BCAS4: variants seen among roughly 807,000 people sequenced by gnomAD.
BCAS4 encodes breast carcinoma amplified sequence 4.
In BCAS4, 9 loss-of-function variants were observed where a neutral mutation model predicts 15.7. The observed-to-expected ratio is 0.57, with a 90% CI of 0.34 to 1.00. The LOEUF (loss-of-function observed/expected upper bound fraction) is 1.00. Ranked by LOEUF, BCAS4 falls within the 50% of genes least tolerant of loss-of-function variation. BCAS4 has a pLI of 0.02. For synonymous variants in BCAS4, 101 were observed against 99.5 expected (o/e 1.02, Z -0.09); for missense variants, 225 against 239.1 (o/e 0.94, Z 0.39).
chr20:50,842,719 A>G (rs1466317650), intron 4 of BCAS4, among the ~76,000 whole-genome samples: 1 of 151,842 alleles, frequency 6.6e-6, no homozygotes, highest in Non-Finnish European at 1.5e-5. Flanking sequence ...TGCCTGGCCA[A>G]TCACCCTCAG....
At chr20:50,861,726 C>T (rs764390915) in intron 4 of BCAS4, among the ~76,000 whole-genome samples, 5 of 152,116 alleles carry the variant, frequency 3.3e-5, no homozygotes, top group African/African-American at 9.7e-5. Flanking sequence ...AGCCTGGCCG[C>T]TCATCCCTGC....
At chr20:50,823,562 C>G (rs1358199971) in intron 2 of BCAS4, among the ~76,000 whole-genome samples, 2 of 152,124 alleles carry the variant, frequency 1.3e-5, no homozygotes, top group African/African-American at 4.8e-5. Context: ...TGGCTCACAC[C>G]TGTAATTCCA....
intron 4 of BCAS4, among the ~76,000 whole-genome samples, chr20:50,861,956 C>T (rs897762532): frequency 6.8e-6 from 1 of 147,336 alleles, no homozygotes; most frequent in Non-Finnish European, 1.5e-5. Context: ...TAGACTCAAA[C>T]GATCCTCCTG....
rs527992544 is a variant in BCAS4, at chr20:50,861,627, G to A, written c.400-14859G>A. On this transcript the variant is annotated intron_variant, in intron 4 of 4. Coordinates refer to ENST00000371608, the MANE Select transcript of BCAS4 (RefSeq NM_198799.4). ...TGTCCATGCCAGGGGCAGGTGACCT[G>A]CCTTGCTTGGGCGCAGAGAGTCCTG... is the stretch of plus-strand genomic sequence containing the variant. Among the ~76,000 whole-genome samples the A allele has an allele frequency of 7.9e-5, 12 of 152,252 alleles. No homozygotes were observed. In the South Asian group the frequency reaches 2.5e-3, roughly 32 times the overall value.
At chr20:50,873,746 G>T (rs1979773606) in intron 4 of BCAS4, among the ~76,000 whole-genome samples, 1 of 152,198 alleles carries the variant, frequency 6.6e-6, no homozygotes. Flanking sequence ...GGCAGGAATA[G>T]ACCTTGTCTC....
At chr20:50,853,867 C>T (rs1227989031) in intron 4 of BCAS4, among the ~76,000 whole-genome samples, 2 of 147,106 alleles carry the variant, frequency 1.4e-5, no homozygotes, top group South Asian at 2.2e-4. Context: ...TTTGTATACT[C>T]GGGGATGTTT....
intron 4 of BCAS4, among the ~76,000 whole-genome samples, chr20:50,853,829 T>C (rs1978604305): frequency 1.5e-5 from 2 of 130,950 alleles, no homozygotes; most frequent in African/African-American, 3.3e-5. Flanking sequence ...TTTTGTGTAC[T>C]GGGGGGTGTT....
intron 2 of BCAS4, among the ~76,000 whole-genome samples, chr20:50,825,922 G>GA (rs1400710868): frequency 2.0e-5 from 3 of 151,996 alleles, no homozygotes; most frequent in South Asian, 2.1e-4. Flanking sequence ...AAATAAGGGG[G>GA]AAAAAAAGAG....
chr20:50,838,717 G>T (rs2088439840), intron 3 of BCAS4, among the ~76,000 whole-genome samples: 1 of 152,054 alleles, frequency 6.6e-6, no homozygotes, highest in African/African-American at 2.4e-5. Context: ...GGTGGTGCTT[G>T]CCTGTAATCC....
chr20:50,847,964 A>T (rs1165853444), intron 4 of BCAS4, among the ~76,000 whole-genome samples: 1 of 152,176 alleles, frequency 6.6e-6, no homozygotes, highest in Non-Finnish European at 1.5e-5. Flanking sequence ...ACTTGAGCAC[A>T]GGAGGTCAAG....
intron 4 of BCAS4, among the ~76,000 whole-genome samples, chr20:50,865,911 C>T (rs1469805349): frequency 6.6e-6 from 1 of 152,144 alleles, no homozygotes; most frequent in Non-Finnish European, 1.5e-5. Flanking sequence ...ACTCAGGGCC[C>T]TGGAGCAGAC....
intron 4 of BCAS4, among the ~76,000 whole-genome samples, chr20:50,860,726 A>C (rs559126510): frequency 6.6e-6 from 1 of 152,138 alleles, no homozygotes; most frequent in Non-Finnish European, 1.5e-5. Context: ...AAATACAAAA[A>C]TTAGCCAGGT....
chr20:50,844,593 G>A (rs1028932296), intron 4 of BCAS4, among the ~76,000 whole-genome samples: 31 of 152,194 alleles, frequency 2.0e-4, no homozygotes, highest in African/African-American at 7.2e-4. Flanking sequence ...CAGTCATCCC[G>A]ATGAGGTTGG....
intron 4 of BCAS4, among the ~76,000 whole-genome samples, chr20:50,858,033 C>T (rs982417574): frequency 2.6e-5 from 4 of 151,710 alleles, no homozygotes; most frequent in South Asian, 2.1e-4. Context: ...TTGTCTGCTC[C>T]GGGAGCTGCC....
intron 1 of BCAS4, among the ~76,000 whole-genome samples, chr20:50,807,377 A>G (rs2088004061): frequency 6.6e-6 from 1 of 151,182 alleles, no homozygotes; most frequent in Admixed American, 6.6e-5. Flanking sequence ...ACTTTTTTGT[A>G]GAGATGGGGT....
chr20:50,799,011 G>T (rs2087898075), intron 1 of BCAS4, among the ~76,000 whole-genome samples: 1 of 152,142 alleles, frequency 6.6e-6, no homozygotes, highest in Admixed American at 6.5e-5. Context: ...TCCTGGGGGA[G>T]GCTCCACGCT....
intron 3 of BCAS4, among the ~76,000 whole-genome samples, chr20:50,837,996 A>C (rs958724750): frequency 1.6e-5 from 2 of 124,260 alleles, no homozygotes; most frequent in African/African-American, 7.7e-5. Flanking sequence ...ACACATCTGC[A>C]CATACACACA....
At chr20:50,821,177 T>G (rs909911534) in intron 2 of BCAS4, among the ~76,000 whole-genome samples, 2 of 152,232 alleles carry the variant, frequency 1.3e-5, no homozygotes, top group African/African-American at 4.8e-5. Flanking sequence ...ATGATGTTTC[T>G]CTGTTCTTTT....
At chr20:50,870,537 T>G (rs6013035) in intron 4 of BCAS4, among the ~76,000 whole-genome samples, 12,534 of 152,210 alleles carry the variant, frequency 0.082, 1,653 homozygotes, top group African/African-American at 0.27. Context: ...ACTCTGAGGC[T>G]TCGGCCAGAC....
Sources: gnomAD v4.1 joint callset for allele counts (sites outside exome capture counted in the v4.1 genomes callset) on GRCh38, gnomAD v4.1.1 for gene constraint, MANE v1.5 for transcripts, NCBI Gene and HGNC (gene_info 2026-07-23, HGNC 2026-07-21) for gene names.